Variants in CCSER1 observed in about 807,000 individuals in gnomAD.
The protein encoded by CCSER1 is serine-rich coiled-coil domain-containing protein 1.
CCSER1 carries 41 observed loss-of-function variants against 82.0 expected under a neutral mutation model. That is an observed-to-expected ratio of 0.50 (90% confidence interval 0.39 to 0.65). The LOEUF is 0.65. CCSER1 is among the 30% of genes least tolerant of loss of function. The pLI, the probability that CCSER1 is intolerant of heterozygous loss-of-function variation, is 0.00. For missense variants in CCSER1, 1,119 were observed against 1,064.2 expected (o/e 1.05, Z -0.72); for synonymous variants, 414 against 383.9 (o/e 1.08, Z -0.92).
chr4:91,262,534 A>T (rs1048752489), intron 10 of CCSER1, among the ~76,000 whole-genome samples: 1 of 152,070 alleles, frequency 6.6e-6, no homozygotes, highest in Non-Finnish European at 1.5e-5. Context: ...ATGAATAAGT[A>T]TGGTCTGATT....
chr4:91,355,824 A>G (rs1174550330), intron 10 of CCSER1, among the ~76,000 whole-genome samples: 1 of 152,138 alleles, frequency 6.6e-6, no homozygotes, highest in African/African-American at 2.4e-5. Context: ...GTGGTCTCAG[A>G]GGTTGGGCCT....
chr4:90,393,441 A>C (rs1751490986), intron 3 of CCSER1, among the ~76,000 whole-genome samples: 1 of 152,204 alleles, frequency 6.6e-6, no homozygotes, highest in South Asian at 2.1e-4. Context: ...AATGACTAGA[A>C]GAATGCTGAC....
At chr4:90,394,673 T>C (rs555846474) in intron 3 of CCSER1, among the ~76,000 whole-genome samples, 1 of 152,270 alleles carries the variant, frequency 6.6e-6, no homozygotes, top group East Asian at 1.9e-4. Context: ...TTCTTTCCAG[T>C]GTGTAATTAA....
At chr4:90,529,951 A>AT (rs1553934491) in intron 5 of CCSER1, among the ~76,000 whole-genome samples, 15,351 of 127,058 alleles carry the variant, frequency 0.12, 1,544 homozygotes, top group East Asian at 0.33. Context: ...ATATATATAT[A>AT]TTTTTTTTTT....
intron 6 of CCSER1, among the ~76,000 whole-genome samples, chr4:90,644,533 G>A (rs768686901): frequency 2.0e-5 from 3 of 151,794 alleles, no homozygotes; most frequent in Admixed American, 6.6e-5. Context: ...ATAGATAAAC[G>A]TGTGCCATGG....
chr4:91,494,824 A>G (rs887683625), intron 10 of CCSER1, among the ~76,000 whole-genome samples: 5 of 151,786 alleles, frequency 3.3e-5, no homozygotes, highest in Non-Finnish European at 5.9e-5. Flanking sequence ...TATTTATTTC[A>G]TCAAAATGGT....
At chr4:91,085,267 T>A (rs891607621) in intron 9 of CCSER1, among the ~76,000 whole-genome samples, 1 of 152,146 alleles carries the variant, frequency 6.6e-6, no homozygotes, top group African/African-American at 2.4e-5. Flanking sequence ...TGAACATTTT[T>A]AAATTTGTGT....
chr4:90,458,359 GT>G (rs543449056), intron 4 of CCSER1, among the ~76,000 whole-genome samples: 79 of 147,096 alleles, frequency 5.4e-4, no homozygotes, highest in African/African-American at 1.1e-3. Flanking sequence ...GCCACAATAA[GT>G]TTTTTTTTTT....
At chr4:90,253,884 A>G in intron 1 of CCSER1, among the ~76,000 whole-genome samples, 1 of 152,258 alleles carries the variant, frequency 6.6e-6, no homozygotes, top group Non-Finnish European at 1.5e-5. Flanking sequence ...TATCATATCC[A>G]TCTGTTAGCC....
intron 10 of CCSER1, among the ~76,000 whole-genome samples, chr4:91,476,571 C>T (rs945863205): frequency 1.3e-5 from 2 of 151,456 alleles, no homozygotes; most frequent in Non-Finnish European, 3.0e-5. Context: ...TATGGAACAA[C>T]AAAACACCTC....
intron 10 of CCSER1, among the ~76,000 whole-genome samples, chr4:91,086,517 T>C (rs1425938107): frequency 4.6e-5 from 7 of 151,952 alleles, no homozygotes; most frequent in Admixed American, 2.6e-4. Context: ...TAATTTTTTT[T>C]CCCTGCTAAA....
chr4:90,539,079 A>G (rs1189601933), intron 5 of CCSER1, among the ~76,000 whole-genome samples: 2 of 152,106 alleles, frequency 1.3e-5, no homozygotes, highest in Non-Finnish European at 2.9e-5. Context: ...TCAACTTTTC[A>G]TATCTAAATA....
chr4:90,307,863 G>A (rs1225990386), intron 1 of CCSER1, among the ~76,000 whole-genome samples: 2 of 152,080 alleles, frequency 1.3e-5, no homozygotes, highest in African/African-American at 4.8e-5. Context: ...TTTTATGTCT[G>A]TCACGTGCCT....
intron 5 of CCSER1, among the ~76,000 whole-genome samples, chr4:90,573,083 C>T (rs1197520690): frequency 2.0e-5 from 3 of 152,216 alleles, no homozygotes; most frequent in Non-Finnish European, 4.4e-5. Flanking sequence ...GGTGTGACTC[C>T]TGGGGTGGAC....
At chr4:90,150,736 C>G (rs947358990) in intron 1 of CCSER1, among the ~76,000 whole-genome samples, 5 of 152,084 alleles carry the variant, frequency 3.3e-5, no homozygotes, top group Non-Finnish European at 7.4e-5. Context: ...TAAGCCAGCT[C>G]TATTCTATGT....
chr4:91,234,330 C>T (rs1441831490), intron 10 of CCSER1, among the ~76,000 whole-genome samples: 1 of 152,026 alleles, frequency 6.6e-6, no homozygotes, highest in Non-Finnish European at 1.5e-5. Context: ...TTTGAAGATA[C>T]TCATCAATTT....
chr4:91,001,711 C>T (rs1329961857), intron 9 of CCSER1, among the ~76,000 whole-genome samples: 1 of 152,158 alleles, frequency 6.6e-6, no homozygotes, highest in Non-Finnish European at 1.5e-5. Flanking sequence ...ATGCATTCTG[C>T]AATTCTGCAT....
At chr4:91,204,354 C>G (rs923386001) in intron 10 of CCSER1, among the ~76,000 whole-genome samples, 1 of 151,746 alleles carries the variant, frequency 6.6e-6, no homozygotes, top group Middle Eastern at 3.4e-3. Context: ...GCATAAATGG[C>G]GAATGAAATT....
chr4:90,553,861 A>G lies in CCSER1; in HGVS notation c.1725-74164A>G, dbSNP rs542788425. ...ATTTTCTCATGTGTAAAATGATTTC[A>G]AAGTGCAATGAAAAAAGACTGTCTC... On this transcript the variant is annotated intron_variant, in intron 5 of 10. Transcript: ENST00000509176. 2.0e-5 allele frequency among the ~76,000 whole-genome samples: 3 copies of G among 152,356 alleles called. No individual in the cohort carries two copies. In the South Asian group the frequency reaches 6.2e-4, roughly 32 times the overall value.
Sources: allele counts gnomAD v4.1 joint callset (sites outside exome capture counted in the v4.1 genomes callset), GRCh38; gene constraint gnomAD v4.1.1; transcripts MANE v1.5; gene names NCBI Gene and HGNC (gene_info 2026-07-23, HGNC 2026-07-21).